The following ABL1 variants were observed in gnomAD, a reference collection of about 807,000 sequenced individuals.
ABL1 encodes tyrosine-protein kinase ABL1.
In ABL1, 11 loss-of-function variants were observed where a neutral mutation model predicts 94.7. The ratio of observed to expected loss-of-function variants is 0.12; its 90% confidence interval spans 0.07 to 0.19. The LOEUF (loss-of-function observed/expected upper bound fraction) is 0.19. Ranked by LOEUF, ABL1 falls within the 10% of genes least tolerant of loss-of-function variation. The pLI, the probability that ABL1 is intolerant of heterozygous loss-of-function variation, is 1.00. For missense variants in ABL1, 1,082 were observed against 1,489.4 expected, an observed-to-expected ratio of 0.73 and a Z score of 4.50; for synonymous variants, 656 against 622.4, an observed-to-expected ratio of 1.05 and a Z score of -0.80.
chr9:130,825,929 T>C (rs753099000), intron 1 of ABL1, among the ~76,000 whole-genome samples: 5 of 152,206 alleles, frequency 3.3e-5, no homozygotes, highest in Non-Finnish European at 7.3e-5. Context: ...TGCAACAAAT[T>C]TTAGTTTTTC....
At chr9:130,788,068 GAAT>G (rs1479007076) in intron 1 of ABL1, among the ~76,000 whole-genome samples, 1 of 152,144 alleles carries the variant, frequency 6.6e-6, no homozygotes. Flanking sequence ...TCCCTCAGCA[GAAT>G]TATGTAAGTA....
chr9:130,773,545 A>G (rs1832277841), intron 1 of ABL1, among the ~76,000 whole-genome samples: 1 of 147,852 alleles, frequency 6.8e-6, no homozygotes, highest in Non-Finnish European at 1.5e-5. Flanking sequence ...TGAAGCCTTG[A>G]CCTCCTGGGC....
chr9:130,835,393 C>T lies in ABL1; in HGVS notation c.-54C>T, dbSNP rs775985469. The T allele has an allele frequency of 1.5e-6, 2 of 1,345,506 alleles. No individual in the cohort carries two copies. Among genetic ancestry groups the T allele is most frequent in the Non-Finnish European group, 2.0e-6 (2 of 1,003,062 alleles). 83.3% of individuals were successfully genotyped at this position (1,345,506 alleles called of 1,614,324 possible). On this transcript the variant is annotated 5_prime_UTR_variant, in exon 1 of 11. Coordinates refer to ENST00000318560, the MANE Select transcript of ABL1 (RefSeq NM_005157.6). This position sits in a 1 kb window ranked among gnomAD's most constrained non-coding sequence, Gnocchi z 4.6. Reference sequence around the variant, plus strand: ...GGGCCGAGCCGGGCCTGAGCCGGGCCCGCGGACCGAGCTGGGAGAGGGGTT... The same window carrying T: ...GGGCCGAGCCGGGCCTGAGCCGGGCTCGCGGACCGAGCTGGGAGAGGGGTT...
chr9:130,878,402 G>A lies in ABL1; in HGVS notation c.1271-13G>A, dbSNP rs752147889. ...ACATCTTGAACAGCCTTTCTCTTTCGGTTTTCTTTCAGCATTTGGAGTATT... is the reference window on the plus strand; with the variant it reads ...ACATCTTGAACAGCCTTTCTCTTTCAGTTTTCTTTCAGCATTTGGAGTATT... On this transcript the variant is annotated splice_polypyrimidine_tract_variant and intron_variant, in intron 7 of 10. Coordinates refer to ENST00000318560, the MANE Select transcript of ABL1 (RefSeq NM_005157.6). 6.2e-7 allele frequency: 1 copy of A among 1,613,332 alleles called. No homozygotes were observed. The highest frequency in any genetic ancestry group is 8.5e-7 in the Non-Finnish European group (1 of 1,179,382).
rs982716836 is a variant in ABL1, at chr9:130,883,990, C to T, written c.1700C>T (p.Ala567Val). Residue 567 changes from alanine (A) to valine (V), a missense_variant, in exon 11 of 11, where the codon GCC (alanine) becomes GTC (valine). By Grantham distance (64) the Ala-to-Val change is moderately conservative (BLOSUM62 0). Around this residue, in one of 7 missense-constraint regions of ABL1, gnomAD observed 780 missense variants for 835.8 expected, o/e 0.93. Coordinates refer to ENST00000318560, the MANE Select transcript of ABL1 (RefSeq NM_005157.6). ...GESDPLDHEP[A>V]VSPLLPRKER... ...TCAGATCCTCTGGACCATGAGCCTG[C>T]CGTGTCTCCATTGCTCCCTCGAAAA... The T allele has an allele frequency of 3.1e-6, 5 of 1,612,674 alleles. No homozygotes were observed. The highest frequency in any genetic ancestry group is 4.2e-6 in the Non-Finnish European group (5 of 1,179,690).
chr9:130,753,702 A>G (rs1831998913), intron 1 of ABL1, among the ~76,000 whole-genome samples: 1 of 150,984 alleles, frequency 6.6e-6, no homozygotes, highest in Non-Finnish European at 1.5e-5. Context: ...CTGGGATTAC[A>G]GGCGTGAGCC....
rs1159074345 is a variant in ABL1, at chr9:130,873,954, C to T, written c.1086-914C>T. 8.5e-5 allele frequency among the ~76,000 whole-genome samples: 13 copies of T among 152,338 alleles called. No individual in the cohort carries two copies. In the East Asian group the frequency reaches 2.3e-3, roughly 27 times the overall value. ...GCCTGATCCAGATACTCCTGGCTTTCAGGAAAGTGAATCCTCTGATGCTGC... is the reference window on the plus strand; with the variant it reads ...GCCTGATCCAGATACTCCTGGCTTTTAGGAAAGTGAATCCTCTGATGCTGC... On this transcript the variant is annotated intron_variant, in intron 6 of 10. Transcript: ENST00000318560.
intron 1 of ABL1, among the ~76,000 whole-genome samples, chr9:130,812,063 A>T (rs1028162445): frequency 6.6e-6 from 1 of 151,754 alleles, no homozygotes; most frequent in Non-Finnish European, 1.5e-5. Flanking sequence ...ATTCATATCA[A>T]TAATTAATTC....
intron 1 of ABL1, among the ~76,000 whole-genome samples, chr9:130,820,275 G>C (rs1219134975): frequency 1.3e-5 from 2 of 152,138 alleles, no homozygotes; most frequent in African/African-American, 4.8e-5. Context: ...GTGGGGTCAT[G>C]GTATGTAGTT....
At position 130,885,688 on chromosome 9, in the gene ABL1, A is replaced by AGTCAGGG. The variant is rs1361014334; in HGVS notation, c.*12_*18dup. 2.5e-6 allele frequency: 4 copies of AGTCAGGG among 1,605,690 alleles called. No individual in the cohort carries two copies. The highest frequency in any genetic ancestry group is 2.2e-5 in the East Asian group (1 of 44,776). On this transcript the variant is annotated 3_prime_UTR_variant, in exon 11 of 11. Transcript: ENST00000318560. ...AGTGACATAGTGCAGAGGTAGCAGC[A>AGTCAGGG]GTCAGGGGTCAGGTGTCAGGCCCGT...
At chr9:130,727,112 G>T (rs550733737) in intron 1 of ABL1, among the ~76,000 whole-genome samples, 1 of 152,026 alleles carries the variant, frequency 6.6e-6, no homozygotes, top group South Asian at 2.1e-4. Context: ...ATTTGTAGTT[G>T]AAAAAAGTTT....
chr9:130,731,327 G>A (rs1006119445), intron 1 of ABL1, among the ~76,000 whole-genome samples: 7 of 151,994 alleles, frequency 4.6e-5, no homozygotes, highest in Non-Finnish European at 1.0e-4. Flanking sequence ...TCTCTTAATG[G>A]TGTCTTTGAT....
intron 1 of ABL1, among the ~76,000 whole-genome samples, chr9:130,745,203 G>T (rs1404517832): frequency 6.6e-6 from 1 of 151,210 alleles, no homozygotes; most frequent in Non-Finnish European, 1.5e-5. Context: ...TCCTGCTTCA[G>T]CCTCCCTAGT....
At chr9:130,714,742 T>C (rs902740990) in intron 1 of ABL1, among the ~76,000 whole-genome samples, 11 of 152,248 alleles carry the variant, frequency 7.2e-5, no homozygotes, top group African/African-American at 2.2e-4. Flanking sequence ...TTTAGTTTCC[T>C]GAGGGGCTGG....
At chr9:130,739,479 A>G (rs2132709529) in intron 1 of ABL1, among the ~76,000 whole-genome samples, 1 of 152,342 alleles carries the variant, frequency 6.6e-6, no homozygotes, top group African/African-American at 2.4e-5. Flanking sequence ...TTTATTATAA[A>G]AACAACATAC....
At chr9:130,843,874 A>G (rs1328878773) in intron 1 of ABL1, among the ~76,000 whole-genome samples, 1 of 152,072 alleles carries the variant, frequency 6.6e-6, no homozygotes, top group Non-Finnish European at 1.5e-5. Context: ...CCCAGTCTCA[A>G]CCCTGAAGAG....
chr9:130,788,367 T>G (rs1588239328), intron 1 of ABL1, among the ~76,000 whole-genome samples: 1 of 152,226 alleles, frequency 6.6e-6, no homozygotes, highest in Non-Finnish European at 1.5e-5. Flanking sequence ...AATTTGTTTT[T>G]CGGAATCATT....
upstream of ABL1, among the ~76,000 whole-genome samples, chr9:130,832,127 A>ATT (rs11442726): frequency 8.1e-4 from 115 of 142,004 alleles, 1 homozygote; most frequent in African/African-American, 1.0e-3. Flanking sequence ...CCTTCTAAAT[A>ATT]TTTTTTTTTT....
At chr9:130,799,625 C>A (rs1470309542) in intron 1 of ABL1, among the ~76,000 whole-genome samples, 1 of 152,102 alleles carries the variant, frequency 6.6e-6, no homozygotes, top group Non-Finnish European at 1.5e-5. Context: ...TGGAATATTG[C>A]ATAGAAAGTG....
Sources: gnomAD v4.1 joint callset for allele counts (sites outside exome capture counted in the v4.1 genomes callset) on GRCh38, gnomAD v4.1.1 for gene constraint, gnomAD v4.1.1 regional missense constraint, Gnocchi (gnomAD v3.1) non-coding constraint, MANE v1.5 for transcripts, NCBI Gene and HGNC (gene_info 2026-07-23, HGNC 2026-07-21) for gene names.